Variants in RALGPS1 observed in about 807,000 individuals in gnomAD.
RALGPS1 encodes ras-specific guanine nucleotide-releasing factor RalGPS1.
In RALGPS1, 19 loss-of-function variants were observed where a neutral mutation model predicts 78.8. That is an observed-to-expected ratio of 0.24 (90% CI 0.17 to 0.35). The LOEUF is 0.35. Among genes scored for constraint, RALGPS1 ranks in the 10% least tolerant of loss-of-function variants. The pLI, the probability that RALGPS1 is intolerant of heterozygous loss-of-function variation, is 1.00. For synonymous variants in RALGPS1, 228 were observed against 256.3 expected (o/e 0.89, Z 1.06); for missense variants, 454 against 688.3 (o/e 0.66, Z 3.81).
At position 127,218,394 on chromosome 9, in the gene RALGPS1, T is replaced by A. The variant is rs2062684679; in HGVS notation, c.1645-346T>A. Among the ~76,000 whole-genome samples, 2 of 152,188 alleles carry A rather than the reference T, an allele frequency of 1.3e-5. No individual in the cohort carries two copies. Among genetic ancestry groups the A allele is most frequent in the African/African-American group, 4.8e-5 (2 of 41,440 alleles). ...TTTGATTTTCACTGAAGGAGATAGGTTAAGAGCATGGGCTCTGGGTTCTTA... is the reference window on the plus strand; with the variant it reads ...TTTGATTTTCACTGAAGGAGATAGGATAAGAGCATGGGCTCTGGGTTCTTA... On this transcript the variant is annotated intron_variant, in intron 18 of 18. Coordinates refer to ENST00000259351, the MANE Select transcript of RALGPS1 (RefSeq NM_014636.3). The surrounding 1 kb of genome is among the most constrained non-coding windows in gnomAD (Gnocchi z 4.4).
intron 8 of RALGPS1, among the ~76,000 whole-genome samples, chr9:127,145,555 G>T (rs1459932839): frequency 2.0e-5 from 3 of 152,168 alleles, no homozygotes; most frequent in African/African-American, 7.2e-5. Context: ...CTTTCCCAGG[G>T]TTAAGTAACT....
intron 1 of RALGPS1, among the ~76,000 whole-genome samples, chr9:126,932,702 A>G (rs2131183274): frequency 6.6e-6 from 1 of 152,344 alleles, no homozygotes; most frequent in Non-Finnish European, 1.5e-5. Context: ...TATAAAACAA[A>G]ATGTTATAAA....
At chr9:126,957,144 C>T (rs1281991559) in intron 1 of RALGPS1, among the ~76,000 whole-genome samples, 3 of 152,240 alleles carry the variant, frequency 2.0e-5, no homozygotes, top group East Asian at 1.9e-4. Context: ...CACCTGCACT[C>T]ACTTTAGTGC....
intron 8 of RALGPS1, among the ~76,000 whole-genome samples, chr9:127,113,320 GCTTCT>G (rs1484774217): frequency 3.3e-5 from 5 of 152,128 alleles, no homozygotes; most frequent in Non-Finnish European, 1.5e-5. Context: ...TGCTCCTTGG[GCTTCT>G]CTTTGAGCCT....
chr9:126,983,224 A>G (rs1335041509), intron 4 of RALGPS1, among the ~76,000 whole-genome samples: 1 of 152,094 alleles, frequency 6.6e-6, no homozygotes, highest in Non-Finnish European at 1.5e-5. Flanking sequence ...GATGTAAGCC[A>G]CTGCGCCCAG....
chr9:127,173,928 G>A (rs1018508466), intron 10 of RALGPS1, among the ~76,000 whole-genome samples: 2 of 151,944 alleles, frequency 1.3e-5, no homozygotes, highest in Non-Finnish European at 2.9e-5. Context: ...TATGAGAATC[G>A]CTTGAACCTG....
At chr9:127,094,538 A>G (rs2052881901) in intron 8 of RALGPS1, among the ~76,000 whole-genome samples, 1 of 152,264 alleles carries the variant, frequency 6.6e-6, no homozygotes, top group Admixed American at 6.5e-5. Context: ...CCACAGTCAC[A>G]GGGGCCTAGG....
intron 8 of RALGPS1, among the ~76,000 whole-genome samples, chr9:127,073,205 C>T (rs2050352440): frequency 1.3e-5 from 2 of 152,120 alleles, no homozygotes; most frequent in African/African-American, 4.8e-5. Flanking sequence ...TGTTTGTATC[C>T]ATTAACCAAC....
chr9:127,145,807 AC>A (rs1156831245), intron 8 of RALGPS1, among the ~76,000 whole-genome samples: 4 of 152,238 alleles, frequency 2.6e-5, no homozygotes, highest in Non-Finnish European at 1.5e-5. Context: ...GTGGCTTGAG[AC>A]AAGCTTCCCA....
At chr9:127,144,362 A>G (rs1003593674) in intron 8 of RALGPS1, among the ~76,000 whole-genome samples, 1 of 152,226 alleles carries the variant, frequency 6.6e-6, no homozygotes, top group Admixed American at 6.5e-5. Flanking sequence ...TTGGGTCCTC[A>G]TGATTTTAGA....
intron 4 of RALGPS1, among the ~76,000 whole-genome samples, chr9:127,003,353 A>C (rs957988966): frequency 6.6e-6 from 1 of 152,120 alleles, no homozygotes; most frequent in Non-Finnish European, 1.5e-5. Flanking sequence ...AAACAAATTT[A>C]CAAGAAAAAA....
At chr9:126,915,267 G>C (rs1402992732) in intron 1 of RALGPS1, among the ~76,000 whole-genome samples, 3 of 141,862 alleles carry the variant, frequency 2.1e-5, no homozygotes, top group African/African-American at 7.7e-5. Context: ...AAGAGGCGCG[G>C]GCGCGGGGGG....
At chr9:127,195,804 C>T (rs1248009341) in intron 12 of RALGPS1, among the ~76,000 whole-genome samples, 1 of 151,804 alleles carries the variant, frequency 6.6e-6, no homozygotes, top group Non-Finnish European at 1.5e-5. Flanking sequence ...TCTTCCTTCC[C>T]TCCCTCCCTC....
chr9:126,990,894 A>G (rs961803114), intron 4 of RALGPS1, among the ~76,000 whole-genome samples: 1 of 152,276 alleles, frequency 6.6e-6, no homozygotes, highest in East Asian at 1.9e-4. Context: ...TGTCGAATAC[A>G]TTTAGGATGT....
intron 1 of RALGPS1, among the ~76,000 whole-genome samples, chr9:126,957,793 C>G (rs147413960): frequency 6.6e-6 from 1 of 152,166 alleles, no homozygotes; most frequent in African/African-American, 2.4e-5. Flanking sequence ...TCCCTCCTCT[C>G]AGTGCCGTCT....
intron 1 of RALGPS1, among the ~76,000 whole-genome samples, chr9:126,943,834 A>G (rs527807810): frequency 4.6e-5 from 7 of 152,176 alleles, no homozygotes; most frequent in Non-Finnish European, 1.0e-4. Context: ...CATTATGAAA[A>G]TTAGGTCGTA....
intron 4 of RALGPS1, among the ~76,000 whole-genome samples, chr9:127,014,224 A>C (rs932292073): frequency 6.6e-6 from 1 of 152,230 alleles, no homozygotes; most frequent in Non-Finnish European, 1.5e-5. Context: ...TAGTGGCTCA[A>C]ATGTTCAAAA....
At chr9:126,949,804 G>A (rs1211898378) in intron 1 of RALGPS1, among the ~76,000 whole-genome samples, 1 of 151,398 alleles carries the variant, frequency 6.6e-6, no homozygotes, top group Non-Finnish European at 1.5e-5. Flanking sequence ...CTGTGCAGAA[G>A]CTCTTTAGTT....
intron 12 of RALGPS1, 148 bp from the exon 13 acceptor site, chr9:127,196,324 TGA>T: frequency 3.7e-6 from 3 of 802,204 alleles, no homozygotes; most frequent in Admixed American, 6.3e-5. Context: ...GGTCATGGCA[TGA>T]GAGAGGACAG....
Sources: allele counts gnomAD v4.1 joint callset (sites outside exome capture counted in the v4.1 genomes callset), GRCh38; gene constraint gnomAD v4.1.1; non-coding constraint Gnocchi (gnomAD v3.1); transcripts MANE v1.5; gene names NCBI Gene and HGNC (gene_info 2026-07-23, HGNC 2026-07-21).